MYO1D: variants seen among roughly 807,000 people sequenced by gnomAD.
The protein encoded by MYO1D is myosin ID.
Under a neutral mutation model 122.0 loss-of-function variants are expected in MYO1D, and 83 were observed. The observed-to-expected ratio is 0.68, with a 90% CI of 0.57 to 0.82. MYO1D has a LOEUF of 0.82. Among genes scored for constraint, MYO1D ranks in the 40% least tolerant of loss-of-function variants. MYO1D has a pLI of 0.00. For missense variants in MYO1D, 1,157 were observed against 1,269.5 expected, an observed-to-expected ratio of 0.91 and a Z score of 1.35; for synonymous variants, 464 against 446.9, an observed-to-expected ratio of 1.04 and a Z score of -0.48.
intron 19 of MYO1D, among the ~76,000 whole-genome samples, chr17:32,644,696 G>A (rs139165102): frequency 0.015 from 2,297 of 152,110 alleles, 50 homozygotes; most frequent in African/African-American, 0.046. Context: ...TTTGATCTTC[G>A]TTGGTTTAAG....
rs141185820 is a variant in MYO1D, at chr17:32,659,790, A to G, written c.2122-452T>C. ...GGTGTAACGCCACTTTGGATTTACA[A>G]ACTGATTTACACACAGCCTGTGCAC... On this transcript the variant is annotated intron_variant, in intron 16 of 21. Coordinates refer to ENST00000318217, the MANE Select transcript of MYO1D (RefSeq NM_015194.3). Among the ~76,000 whole-genome samples, 132 of 152,278 alleles carry G rather than the reference A, an allele frequency of 8.7e-4. No homozygotes were observed. The East Asian group carries it at 0.018, about 20-fold the overall frequency.
At chr17:32,545,440 C>G (rs903331040) in intron 21 of MYO1D, among the ~76,000 whole-genome samples, 1 of 152,134 alleles carries the variant, frequency 6.6e-6, no homozygotes, top group Non-Finnish European at 1.5e-5. Context: ...ATTATTAGAT[C>G]GTAAACCCTT....
chr17:32,778,435 A>C, intron 3 of MYO1D, 45 bp downstream of exon 3: 5 of 1,572,452 alleles, frequency 3.2e-6, no homozygotes, highest in Non-Finnish European at 4.4e-6. Flanking sequence ...TCCATAGAGA[A>C]AACAGAGTGC....
chr17:32,795,489 C>T (rs1313321106), intron 1 of MYO1D, among the ~76,000 whole-genome samples: 1 of 151,474 alleles, frequency 6.6e-6, no homozygotes, highest in African/African-American at 2.4e-5. Context: ...ATAATAGAAA[C>T]AAACACAATA....
chr17:32,597,760 C>T (rs186447883), intron 21 of MYO1D, among the ~76,000 whole-genome samples: 82 of 147,296 alleles, frequency 5.6e-4, no homozygotes, highest in Non-Finnish European at 9.2e-4. Flanking sequence ...CCCAGCTACT[C>T]GGGAGGCTGA....
intron 5 of MYO1D, among the ~76,000 whole-genome samples, chr17:32,771,923 T>C (rs1358571609): frequency 2.6e-5 from 4 of 152,236 alleles, no homozygotes; most frequent in Non-Finnish European, 5.9e-5. Context: ...TTTTGGAAGG[T>C]ATTAGGTTTA....
At chr17:32,876,628 C>T in intron 1 of MYO1D, 150 bp downstream of exon 1, 2 of 567,406 alleles carry the variant, frequency 3.5e-6, no homozygotes, top group Non-Finnish European at 5.7e-6. Flanking sequence ...AGCCGCGGAG[C>T]TTGGCAGACC....
chr17:32,657,729 A>G (rs768527544), intron 17 of MYO1D, among the ~76,000 whole-genome samples: 6 of 152,272 alleles, frequency 3.9e-5, no homozygotes, highest in Non-Finnish European at 5.9e-5. Context: ...AGTGCCTGCA[A>G]CACAGCAGAC....
chr17:32,636,737 G>A (rs1185118941), intron 20 of MYO1D, among the ~76,000 whole-genome samples: 1 of 152,236 alleles, frequency 6.6e-6, no homozygotes, highest in African/African-American at 2.4e-5. Flanking sequence ...CTTGGCCAAT[G>A]AGTGATGGAG....
intron 21 of MYO1D, among the ~76,000 whole-genome samples, chr17:32,599,958 A>G (rs72815013): frequency 1.5e-3 from 236 of 152,284 alleles, no homozygotes; most frequent in Admixed American, 3.7e-3. Context: ...TGGCCATGAA[A>G]TGTGTTTCTT....
intron 20 of MYO1D, among the ~76,000 whole-genome samples, chr17:32,622,657 C>T (rs1341921446): frequency 3.3e-5 from 5 of 152,090 alleles, no homozygotes; most frequent in African/African-American, 7.2e-5. Context: ...GAATGAAAAC[C>T]GAGATCAAAG....
intron 16 of MYO1D, among the ~76,000 whole-genome samples, chr17:32,677,418 G>A (rs914220256): frequency 5.1e-4 from 78 of 152,102 alleles, no homozygotes; most frequent in African/African-American, 1.8e-3. Context: ...GGCTACAGAT[G>A]ATGAAGATGG....
intron 21 of MYO1D, among the ~76,000 whole-genome samples, chr17:32,555,182 CA>C (rs1224300169): frequency 6.6e-6 from 1 of 152,004 alleles, no homozygotes; most frequent in Non-Finnish European, 1.5e-5. Flanking sequence ...GAATTTAGCA[CA>C]AATTTCCTGT....
At chr17:32,720,481 A>C (rs1159863792) in intron 15 of MYO1D, among the ~76,000 whole-genome samples, 1 of 152,188 alleles carries the variant, frequency 6.6e-6, no homozygotes, top group East Asian at 1.9e-4. Context: ...CAGAGCCAGG[A>C]ATCAAACCAG....
intron 21 of MYO1D, among the ~76,000 whole-genome samples, chr17:32,576,396 A>G (rs2087278729): frequency 6.6e-6 from 1 of 152,354 alleles, no homozygotes; most frequent in Non-Finnish European, 1.5e-5. Context: ...AATTGTGACT[A>G]TCTAACTGTA....
intron 14 of MYO1D, among the ~76,000 whole-genome samples, chr17:32,733,534 T>C (rs1306026350): frequency 6.6e-6 from 1 of 152,190 alleles, no homozygotes; most frequent in Non-Finnish European, 1.5e-5. Context: ...TTACTGATAA[T>C]GGGGAATTAC....
intron 18 of MYO1D, 119 bp from the exon 19 acceptor site, chr17:32,654,066 C>T: frequency 1.4e-6 from 1 of 721,366 alleles, no homozygotes; most frequent in East Asian, 2.8e-5. Context: ...CACTCTTTAT[C>T]TCCTCACCCC....
chr17:32,800,423 T>C (rs901359998), intron 1 of MYO1D, among the ~76,000 whole-genome samples: 4 of 152,222 alleles, frequency 2.6e-5, no homozygotes, highest in Non-Finnish European at 4.4e-5. Context: ...GAGGACATTA[T>C]GCTAAGTAGA....
intron 1 of MYO1D, among the ~76,000 whole-genome samples, chr17:32,787,912 CA>C (rs2090314200): frequency 6.6e-6 from 1 of 152,212 alleles, no homozygotes; most frequent in African/African-American, 2.4e-5. Context: ...CAAGTTGTTA[CA>C]AAAGACATTA....
Sources: allele counts gnomAD v4.1 joint callset (sites outside exome capture counted in the v4.1 genomes callset), GRCh38; gene constraint gnomAD v4.1.1; transcripts MANE v1.5; gene names NCBI Gene and HGNC (gene_info 2026-07-23, HGNC 2026-07-21).